The following GAB4 variants were observed in gnomAD, a reference collection of about 807,000 sequenced individuals.
The protein encoded by GAB4 is GRB2-associated-binding protein 4.
A neutral mutation model predicts 51.3 loss-of-function variants in GAB4; 26 were observed. The observed-to-expected ratio is 0.51, with a 90% CI of 0.37 to 0.70. The LOEUF (loss-of-function observed/expected upper bound fraction) is 0.70. Among genes scored for constraint, GAB4 ranks in the 30% least tolerant of loss-of-function variants. GAB4 has a pLI of 0.00. For missense variants in GAB4, 759 were observed against 734.6 expected, an observed-to-expected ratio of 1.03 and a Z score of -0.38; for synonymous variants, 329 against 291.2, an observed-to-expected ratio of 1.13 and a Z score of -1.32.
rs755317009 is a variant in GAB4 at position 16,965,272 on chromosome 22, G to A, written c.1289-4C>T. ...AGGTTGGGCGGTGTTGGGTTGGCTG[G>A]AGCAGGAAAAGAACCTTGTCATCAG... On this transcript the variant is annotated splice_region_variant and splice_polypyrimidine_tract_variant and intron_variant, in intron 6 of 9. Coordinates refer to ENST00000400588, the MANE Select transcript of GAB4 (RefSeq NM_001037814.1). The A allele has an allele frequency of 4.3e-6, 7 of 1,612,676 alleles. No individual in the cohort carries two copies. In the East Asian group the frequency reaches 1.3e-4, roughly 31 times the overall value.
chr22:16,964,738 A>C (rs1337776021), intron 8 of GAB4, 28 bp downstream of exon 8: 1 of 1,505,052 alleles, frequency 6.6e-7, no homozygotes, highest in Non-Finnish European at 9.2e-7. Flanking sequence ...CTCTGATAGG[A>C]GCCTTACAGT....
At chr22:17,005,857 A>C (rs1361650870) in intron 1 of GAB4, among the ~76,000 whole-genome samples, 1 of 152,016 alleles carries the variant, frequency 6.6e-6, no homozygotes, top group Non-Finnish European at 1.5e-5. Flanking sequence ...CTCAGTTCTG[A>C]AGGAGGTCGG....
At position 16,982,384 on chromosome 22, in the gene GAB4, CA is replaced by C. The variant is rs376599317; in HGVS notation, c.686+5575del. 4.1e-3 allele frequency among the ~76,000 whole-genome samples: 619 copies of C among 152,148 alleles called. 6 individuals carry two copies. The highest frequency in any genetic ancestry group is 0.014 in the African/African-American group (575 of 41,500). ...CAGTAGTATTTCTATATGTCAACAA[CA>C]AACAGTCTAAAAAAGAAATTAAGAA... is the stretch of plus-strand genomic sequence containing the variant. On this transcript the variant is annotated intron_variant, in intron 3 of 9. Transcript: ENST00000400588.
chr22:16,966,534 A>G, intron 5 of GAB4, 170 bp from the exon 6 acceptor site: 2 of 694,760 alleles, frequency 2.9e-6, no homozygotes, highest in South Asian at 2.0e-5. Flanking sequence ...CCCAGATAGA[A>G]GTGCCCCAGC....
intron 1 of GAB4, among the ~76,000 whole-genome samples, chr22:16,993,495 T>C (rs966566208): frequency 3.9e-5 from 6 of 152,194 alleles, no homozygotes; most frequent in Non-Finnish European, 7.3e-5. Flanking sequence ...CCCTGTTATT[T>C]TCCCCCTTAT....
At chr22:16,971,967 G>A (rs2060735663) in intron 3 of GAB4, among the ~76,000 whole-genome samples, 1 of 152,196 alleles carries the variant, frequency 6.6e-6, no homozygotes, top group Non-Finnish European at 1.5e-5. Context: ...AACTGAACAC[G>A]TCTCTAGAGC....
intron 8 of GAB4, among the ~76,000 whole-genome samples, 154 bp downstream of exon 8, chr22:16,964,612 A>G (rs5748765): frequency 6.6e-6 from 1 of 151,880 alleles, no homozygotes; most frequent in African/African-American, 2.4e-5. Context: ...TGCCTGATAC[A>G]CCTGTGCTCA....
intron 1 of GAB4, among the ~76,000 whole-genome samples, chr22:16,993,301 T>TCAC (rs924801466): frequency 8.5e-5 from 13 of 152,102 alleles, no homozygotes; most frequent in Admixed American, 3.3e-4. Flanking sequence ...GCTATTGGAA[T>TCAC]CACCACCACC....
At chr22:17,006,908 T>C (rs1002914603) in intron 1 of GAB4, among the ~76,000 whole-genome samples, 1 of 152,130 alleles carries the variant, frequency 6.6e-6, no homozygotes, top group African/African-American at 2.4e-5. Flanking sequence ...CTAATGTAGA[T>C]GATGGGTTGA....
At chr22:16,963,359 G>A (rs113731352) in intron 9 of GAB4, among the ~76,000 whole-genome samples, 2 of 152,174 alleles carry the variant, frequency 1.3e-5, no homozygotes, top group Admixed American at 6.5e-5. Flanking sequence ...GAGGTCCCCC[G>A]CATCAATGGC....
At chr22:16,967,636 CCA>C (rs1299650896) in intron 5 of GAB4, among the ~76,000 whole-genome samples, 1 of 152,234 alleles carries the variant, frequency 6.6e-6, no homozygotes, top group East Asian at 1.9e-4. Context: ...GGCAGAGCTG[CCA>C]CAGAGTTGCG....
chr22:16,988,146 G>A lies in GAB4; in HGVS notation c.500C>T (p.Ser167Leu), dbSNP rs774057493. The A allele has an allele frequency of 8.1e-6, 13 of 1,613,166 alleles. No individual in the cohort carries two copies. Among genetic ancestry groups the A allele is most frequent in the South Asian group, 1.1e-5 (1 of 90,870 alleles). ...ESTGFLGNIS[S>L]ASHGLCSSPA... ...AGAAGAGCAGAGGCCGTGACTGGCT[G>A]AGGAAATGTTTCCCAGGAAGCCTGT... Residue 167 changes from serine to leucine, a missense_variant, in exon 3 of 10, where the codon TCA (serine) becomes TTA (leucine). Around this residue, in one of 3 missense-constraint regions of GAB4, gnomAD observed 88 missense variants for 151.3 expected, o/e 0.58. Coordinates refer to ENST00000400588, the MANE Select transcript of GAB4 (RefSeq NM_001037814.1).
chr22:16,973,977 C>A (rs1380678819), intron 3 of GAB4, among the ~76,000 whole-genome samples: 2 of 152,238 alleles, frequency 1.3e-5, no homozygotes, highest in Non-Finnish European at 2.9e-5. Context: ...GCATTTTGAG[C>A]AGGACTATAT....
intron 1 of GAB4, among the ~76,000 whole-genome samples, chr22:17,002,934 C>A (rs1207211532): frequency 1.3e-5 from 2 of 152,038 alleles, no homozygotes; most frequent in African/African-American, 4.8e-5. Context: ...ATTCAGGAGA[C>A]CCATCTGATG....
intron 1 of GAB4, among the ~76,000 whole-genome samples, chr22:16,999,082 G>A (rs528820023): frequency 6.6e-6 from 1 of 152,218 alleles, no homozygotes; most frequent in Non-Finnish European, 1.5e-5. Context: ...GTTCATCAGG[G>A]ATATTGGTCT....
At chr22:16,968,183 C>T (rs2123648903) in intron 5 of GAB4, 115 bp downstream of exon 5, 1 of 745,594 alleles carries the variant, frequency 1.3e-6, no homozygotes, top group East Asian at 2.6e-5. Flanking sequence ...AGAACCTAGG[C>T]AGCCTCCTAG....
Position 16,992,126 on chromosome 22 carries a change from G to C in GAB4, c.225C>G (p.Asp75Glu), listed in dbSNP as rs777115384. 6.2e-7 allele frequency: 1 copy of C among 1,614,032 alleles called. No homozygotes were observed. Among genetic ancestry groups the C allele is most frequent in the East Asian group, 2.2e-5 (1 of 44,878 alleles). Residue 75 changes from aspartate (D) to glutamate (E), a missense_variant, in exon 2 of 10, where the codon GAC becomes GAG. Physicochemically the swap from Asp to Glu is conservative, Grantham distance 45. This residue lies in a region of GAB4 where 88 missense variants were observed against 151.3 expected (regional missense o/e 0.58). Transcript: ENST00000400588. ...TCTTGTAGTATTCCAGAACATCTGGGTCACTGCTAGTCTGGCCCCTCCGCA... is the reference window on the plus strand; with the variant it reads ...TCTTGTAGTATTCCAGAACATCTGGCTCACTGCTAGTCTGGCCCCTCCGCA... Reference protein sequence around the residue: ...FILRRGQTSSDPDVLEYYKND... With the variant: ...FILRRGQTSSEPDVLEYYKND...
chr22:16,976,081 T>C (rs2060775432), intron 3 of GAB4, among the ~76,000 whole-genome samples: 1 of 151,782 alleles, frequency 6.6e-6, no homozygotes, highest in Non-Finnish European at 1.5e-5. Flanking sequence ...GAAAAAACAG[T>C]GCAAAAAGGC....
chr22:16,966,299 G>T lies in GAB4; in HGVS notation c.1089C>A (p.Asn363Lys). 6.2e-6 allele frequency: 10 copies of T among 1,613,798 alleles called. No individual in the cohort carries two copies. The highest frequency in any genetic ancestry group is 8.5e-6 in the Non-Finnish European group (10 of 1,179,934). Reference sequence around the variant, plus strand: ...CAGCCGGCAGGGTAGGGGAGCCTGGGTTCATGGGCACACAGCTGCCCTCAG... The same window carrying T: ...CAGCCGGCAGGGTAGGGGAGCCTGGTTTCATGGGCACACAGCTGCCCTCAG... The part of the protein sequence containing the change: ...IASEGSCVPM[N>K]PGSPTLPAVK... The change falls in exon 6 of 10, where the codon AAC (asparagine) becomes AAA (lysine). Residue 363 changes from asparagine to lysine, a missense_variant. By Grantham distance (94) the Asn-to-Lys change is moderately conservative (BLOSUM62 0). Around this residue, in one of 3 missense-constraint regions of GAB4, gnomAD observed 588 missense variants for 510.2 expected, o/e 1.15. Transcript: ENST00000400588.
Sources: gnomAD v4.1 joint callset for allele counts (sites outside exome capture counted in the v4.1 genomes callset) on GRCh38, gnomAD v4.1.1 for gene constraint, gnomAD v4.1.1 regional missense constraint, MANE v1.5 for transcripts, NCBI Gene and HGNC (gene_info 2026-07-23, HGNC 2026-07-21) for gene names.